Variants in NOTCH2NLR observed in about 807,000 individuals in gnomAD.
The protein encoded by NOTCH2NLR is notch 2 N-terminal like R.
Under a neutral mutation model 35.6 loss-of-function variants are expected in NOTCH2NLR, and 33 were observed. The observed-to-expected ratio is 0.93, with a 90% CI of 0.70 to 1.24. NOTCH2NLR has a LOEUF of 1.24. Ranked by LOEUF, NOTCH2NLR falls within the 50% of genes most tolerant of loss-of-function variation. NOTCH2NLR has a pLI of 0.00. For missense variants in NOTCH2NLR, 276 were observed against 362.2 expected (o/e 0.76, Z 1.93); for synonymous variants, 103 against 141.0 (o/e 0.73, Z 1.91).
intron 1 of NOTCH2NLR, among the ~76,000 whole-genome samples, chr1:120,733,177 C>T (rs1237236068): frequency 9.4e-6 from 1 of 106,532 alleles, no homozygotes; most frequent in Non-Finnish European, 1.7e-5. Context: ...TATGCACACA[C>T]ACATAATATA....
In NOTCH2NLR at chr1:120,737,785, G is replaced by A. The variant is rs1250433380; in HGVS notation, c.73+13535G>A. Among the ~76,000 whole-genome samples, 3 of 122,360 alleles carry A rather than the reference G, an allele frequency of 2.5e-5. 1 individual carries two copies. The highest frequency in any genetic ancestry group is 5.0e-5 in the Non-Finnish European group (3 of 60,380). 80.3% of individuals were successfully genotyped at this position (122,360 alleles called of 152,430 possible). On this transcript the variant is annotated intron_variant, in intron 1 of 4. Transcript: ENST00000624419. ...GGTGGAGTTACTTTCTCAGAAAAGG[G>A]CTTTATATTTTAACATTTGTTTCCC... is the stretch of plus-strand genomic sequence containing the variant.
intron 4 of NOTCH2NLR, 100 bp downstream of exon 4, chr1:120,793,596 A>T: frequency 2.2e-6 from 2 of 907,356 alleles, no homozygotes; most frequent in Non-Finnish European, 3.3e-6. Flanking sequence ...GCAAGGAAAA[A>T]GGGAAGTGAG....
chr1:120,791,496 A>G (rs1651493572), intron 3 of NOTCH2NLR, among the ~76,000 whole-genome samples: 1 of 88,144 alleles, frequency 1.1e-5, no homozygotes, highest in African/African-American at 8.6e-5. Context: ...TGTCCTTTGT[A>G]GGGACATGGA....
In NOTCH2NLR at chr1:120,785,130, G is replaced by A. The variant is rs1375055602; in HGVS notation, c.312G>A (p.Ser104=). Residue 104 remains serine, a synonymous_variant, in exon 3 of 5, where the codon TCG becomes TCA. Coordinates refer to ENST00000624419, the Ensembl canonical transcript of NOTCH2NLR. ...TTACAGGAGAGGACTGCCAGTACTC[G>A]ACACCTCATCCATGCTTTGTGTCTC... 173 of 1,446,246 alleles carry A rather than the reference G, an allele frequency of 1.2e-4. 34 individuals are homozygous for A. Among genetic ancestry groups the A allele is most frequent in the Non-Finnish European group, 1.4e-4 (148 of 1,082,398 alleles). 89.6% of individuals were successfully genotyped at this position (1,446,246 alleles called of 1,614,324 possible).
chr1:120,770,579 T>C (rs1397653568), intron 2 of NOTCH2NLR, among the ~76,000 whole-genome samples: 1 of 119,418 alleles, frequency 8.4e-6, no homozygotes, highest in Non-Finnish European at 1.6e-5. Context: ...CATTATTGCA[T>C]ATTAGGGTCT....
At position 120,793,801 on chromosome 1, in the gene NOTCH2NLR, A is replaced by T. The variant is rs1350306581; in HGVS notation, c.806A>T (p.Glu269Val). Residue 269 changes from glutamate (E) to valine (V), a missense_variant, in exon 5 of 5, where the codon GAA becomes GTA. Transcript: ENST00000624419. Reference sequence around the variant, plus strand: ...CTGGGAAAGAGACAGGCAAGTCTGGAATGGAAAAGAACACGATGAGAATTA... The same window carrying T: ...CTGGGAAAGAGACAGGCAAGTCTGGTATGGAAAAGAACACGATGAGAATTA... The T allele has an allele frequency of 1.2e-4, 124 of 996,380 alleles. 26 individuals are homozygous for T. Among genetic ancestry groups the T allele is most frequent in the Non-Finnish European group, 1.6e-4 (109 of 677,664 alleles). 61.7% of individuals were successfully genotyped at this position (996,380 alleles called of 1,614,324 possible).
At chr1:120,761,215 A>G (rs1432035304) in intron 1 of NOTCH2NLR, among the ~76,000 whole-genome samples, 1 of 123,192 alleles carries the variant, frequency 8.1e-6, no homozygotes, top group Non-Finnish European at 1.6e-5. Flanking sequence ...TTGTCAGGAC[A>G]CTTAATAGGA....
At chr1:120,729,093 G>C (rs1650847903) in intron 1 of NOTCH2NLR, among the ~76,000 whole-genome samples, 1 of 105,758 alleles carries the variant, frequency 9.5e-6, no homozygotes, top group Non-Finnish European at 1.7e-5. Flanking sequence ...CTATAGGAGA[G>C]GCTGATGGTG....
chr1:120,789,999 A>G (rs1250258757), intron 3 of NOTCH2NLR, among the ~76,000 whole-genome samples: 3 of 73,020 alleles, frequency 4.1e-5, no homozygotes, highest in Non-Finnish European at 7.0e-5. Context: ...GTTCTGCAAG[A>G]TTCTGATCAC....
chr1:120,790,792 G>A lies in NOTCH2NLR; in HGVS notation c.416-2369G>A, dbSNP rs1342582178. 6.6e-5 allele frequency among the ~76,000 whole-genome samples: 7 copies of A among 105,944 alleles called. 1 individual carries two copies. The highest frequency in any genetic ancestry group is 1.2e-4 in the Non-Finnish European group (7 of 57,384). The allele number at this position is 105,944 out of a possible 152,430, so 69.5% of individuals were successfully genotyped here. ...TTTTTGTATTTTTAGAAAAGATGGC[G>A]TTTCACCATGTTGGCCAGGCTGGTC... On this transcript the variant is annotated intron_variant, in intron 3 of 4. Coordinates refer to ENST00000624419, the Ensembl canonical transcript of NOTCH2NLR.
chr1:120,742,349 G>C (rs1650948112), intron 1 of NOTCH2NLR, among the ~76,000 whole-genome samples: 1 of 32,400 alleles, frequency 3.1e-5, no homozygotes, highest in Non-Finnish European at 4.8e-5. Context: ...GTGTGTGTGT[G>C]TGTGTGTTGG....
chr1:120,781,652 C>T lies in NOTCH2NLR; in HGVS notation c.156-3322C>T, dbSNP rs1181680700. 7.7e-5 allele frequency among the ~76,000 whole-genome samples: 5 copies of T among 65,250 alleles called. 1 individual carries two copies. The highest frequency in any genetic ancestry group is 1.5e-4 in the African/African-American group (1 of 6,482). 42.8% of individuals were successfully genotyped at this position (65,250 alleles called of 152,430 possible). A position where few individuals can be genotyped will look rare whatever the true frequency, so the allele number is the denominator to read the frequency against. ...GATCTTGGCTCACTGCAACCTCCAA[C>T]TTCTGGGTTCATGCCATTCTCCTGC... On this transcript the variant is annotated intron_variant, in intron 2 of 4. Coordinates refer to ENST00000624419, the Ensembl canonical transcript of NOTCH2NLR.
chr1:120,776,319 G>T, intron 2 of NOTCH2NLR, among the ~76,000 whole-genome samples: 1 of 100,068 alleles, frequency 1.0e-5, no homozygotes, highest in Middle Eastern at 4.3e-3. Context: ...TTAGGGCTTA[G>T]CCATGAGAAA....
At chr1:120,776,074 T>G (rs1651304530) in intron 2 of NOTCH2NLR, among the ~76,000 whole-genome samples, 1 of 115,146 alleles carries the variant, frequency 8.7e-6, no homozygotes, top group Non-Finnish European at 1.7e-5. Context: ...GGGGTAAAGA[T>G]TCCACAGAGC....
At chr1:120,763,745 T>G in intron 2 of NOTCH2NLR, 36 bp downstream of exon 2, 1 of 832,866 alleles carries the variant, frequency 1.2e-6, no homozygotes, top group Non-Finnish European at 1.9e-6. Context: ...CTTTTTGCGA[T>G]AGAACACTGG....
chr1:120,776,041 G>A lies in NOTCH2NLR; in HGVS notation c.156-8933G>A, dbSNP rs1185919682. Among the ~76,000 whole-genome samples the A allele has an allele frequency of 1.8e-5, 2 of 110,340 alleles. 1 individual carries two copies. Among genetic ancestry groups the A allele is most frequent in the East Asian group, 4.3e-4 (2 of 4,600 alleles). 72.4% of individuals were successfully genotyped at this position (110,340 alleles called of 152,430 possible). On this transcript the variant is annotated intron_variant, in intron 2 of 4. Coordinates refer to ENST00000624419, the Ensembl canonical transcript of NOTCH2NLR. The stretch of plus-strand genomic sequence containing the variant: ...CAACCCAGTTGTTCCCAAACTTCAA[G>A]TGTATTTATAGGGTCTTTTTAAGGG...
chr1:120,790,354 C>A (rs1651473445), intron 3 of NOTCH2NLR, among the ~76,000 whole-genome samples: 1 of 113,762 alleles, frequency 8.8e-6, no homozygotes, highest in Non-Finnish European at 1.7e-5. Context: ...TTTTGTCTAT[C>A]ACTTTAGGAA....
Position 120,752,519 on chromosome 1 carries a change from A to AATATATAT in NOTCH2NLR, c.74-11080_74-11073dup, listed in dbSNP as rs1204399606. Among the ~76,000 whole-genome samples the AATATATAT allele has an allele frequency of 7.8e-3, 114 of 14,640 alleles. 2 individuals are homozygous for AATATATAT. Among genetic ancestry groups the AATATATAT allele is most frequent in the African/African-American group, 0.026 (56 of 2,146 alleles). The allele number at this position is 14,640 out of a possible 152,430, so 9.6% of individuals were successfully genotyped here. A position where few individuals can be genotyped will look rare whatever the true frequency, so the allele number is the denominator to read the frequency against. The stretch of plus-strand genomic sequence containing the variant: ...AAATAAATAAAAATTGAAGTTCAGG[A>AATATATAT]ATATATATATATATATATATATATA... On this transcript the variant is annotated intron_variant, in intron 1 of 4. Transcript: ENST00000624419.
In NOTCH2NLR at chr1:120,727,872, A is replaced by G. The variant is rs1409994196; in HGVS notation, c.73+3622A>G. 5.8e-4 allele frequency among the ~76,000 whole-genome samples: 68 copies of G among 117,416 alleles called. 12 individuals are homozygous for G. The highest frequency in any genetic ancestry group is 9.6e-4 in the Non-Finnish European group (58 of 60,650). The allele number at this position is 117,416 out of a possible 152,430, so 77.0% of individuals were successfully genotyped here. ...TCTTTTCTTTCTTTGTCAGCCTACC[A>G]TATGTGTAGTATTTTGGACAGATCA... On this transcript the variant is annotated intron_variant, in intron 1 of 4. Transcript: ENST00000624419.
Sources: gnomAD v4.1 joint callset for allele counts (sites outside exome capture counted in the v4.1 genomes callset) on GRCh38, gnomAD v4.1.1 for gene constraint, MANE v1.5 for transcripts, NCBI Gene and HGNC (gene_info 2026-07-23, HGNC 2026-07-21) for gene names.